The following RAB3A variants were observed in gnomAD, a reference collection of about 807,000 sequenced individuals.
RAB3A encodes the protein ras-related protein Rab-3A.
A neutral mutation model predicts 19.7 loss-of-function variants in RAB3A; 5 were observed. The ratio of observed to expected loss-of-function variants is 0.25; its 90% CI spans 0.13 to 0.53. RAB3A has a LOEUF of 0.53. RAB3A is among the 20% of genes least tolerant of loss of function. The pLI is 0.95. For missense variants in RAB3A, 189 were observed against 305.6 expected (o/e 0.62, Z 2.85); for synonymous variants, 119 against 122.1 (o/e 0.97, Z 0.17).
At chr19:18,197,757 A>AG in intron 4 of RAB3A, 97 bp from the exon 5 acceptor site, 2 of 1,046,092 alleles carry the variant, frequency 1.9e-6, no homozygotes, top group African/African-American at 3.2e-5. Flanking sequence ...GGAGATTCCC[A>AG]GTGCCAAGCA....
Position 18,202,795 on chromosome 19 carries a change from G to C in RAB3A, c.1-55C>G, listed in dbSNP as rs924274359. 1.1e-5 allele frequency: 16 copies of C among 1,443,502 alleles called. No individual in the cohort carries two copies. Among genetic ancestry groups the C allele is most frequent in the Non-Finnish European group, 1.5e-5 (15 of 1,032,918 alleles). 89.4% of individuals were successfully genotyped at this position (1,443,502 alleles called of 1,614,324 possible). On this transcript the variant is annotated intron_variant, in intron 1 of 4. Transcript: ENST00000222256. The surrounding 1 kb of genome is among the most constrained non-coding windows in gnomAD (Gnocchi z 4.2). ...AGGGGGGCTCTCTCCATCCTCATGT[G>C]CCCAAGCCCAGGCAGAAGATGGCAA...
intron 3 of RAB3A, among the ~76,000 whole-genome samples, chr19:18,199,460 A>T (rs1403731321): frequency 6.6e-6 from 1 of 151,072 alleles, no homozygotes; most frequent in Non-Finnish European, 1.5e-5. Flanking sequence ...CAACCCAGAA[A>T]TTTTTTTTTA....
Position 18,200,403 on chromosome 19 carries a change from A to G in RAB3A, c.271T>C (p.Tyr91His), listed in dbSNP as rs1435281217. The change falls in exon 3 of 5, where the codon TAC becomes CAC. Residue 91 changes from tyrosine to histidine, a missense_variant. Coordinates refer to ENST00000222256, the MANE Select transcript of RAB3A (RefSeq NM_002866.5). ...QERYRTITTA[Y>H]YRGAMGFILM... ...ATGAAGCCCATAGCGCCCCGGTAGT[A>G]TGCGGTGGTGATGGTCCGGTACCGC... The G allele has an allele frequency of 6.2e-7, 1 of 1,614,058 alleles. No homozygotes were observed. The highest frequency in any genetic ancestry group is 8.5e-7 in the Non-Finnish European group (1 of 1,179,970).
Position 18,197,532 on chromosome 19 carries a change from C to A in RAB3A, c.601G>T (p.Ala201Ser), listed in dbSNP as rs202041906. 2 of 1,613,486 alleles carry A rather than the reference C, an allele frequency of 1.2e-6. No individual in the cohort carries two copies. Among genetic ancestry groups the A allele is most frequent in the East Asian group, 4.5e-5 (2 of 44,874 alleles). The change falls in exon 5 of 5, where the codon GCC becomes TCC. Residue 201 changes from alanine (A) to serine (S), a missense_variant. Transcript: ENST00000222256. ...LDTADPAVTG[A>S]KQGPQLSDQQ... ...TCACTGAGCTGTGGGCCCTGCTTGG[C>A]GCCTGTGACCGCAGGGTCCGCCGTG...
At chr19:18,198,605 G>T (rs1037873722) in intron 4 of RAB3A, 120 bp downstream of exon 4, 6 of 1,295,146 alleles carry the variant, frequency 4.6e-6, no homozygotes, top group Non-Finnish European at 5.3e-6. Flanking sequence ...CTGGATGAAG[G>T]CTAGTTTGCA....
chr19:18,202,533 T>A lies in RAB3A; in HGVS notation c.208A>T (p.Arg70Trp). ...CCCACCCAGATCTGCAGCTTGATCCTCTTGTCGTTGCGATAGATGGTCTTG... is the reference window on the plus strand; with the variant it reads ...CCCACCCAGATCTGCAGCTTGATCCACTTGTCGTTGCGATAGATGGTCTTG... ...KVKTIYRNDK[R>W]IKLQIWDTAG... Residue 70 changes from arginine to tryptophan, a missense_variant, in exon 2 of 5, where the codon AGG (arginine) becomes TGG (tryptophan). Coordinates refer to ENST00000222256, the MANE Select transcript of RAB3A (RefSeq NM_002866.5). The surrounding 1 kb of genome is among the most constrained non-coding windows in gnomAD (Gnocchi z 4.2). 1.2e-6 allele frequency: 2 copies of A among 1,614,152 alleles called. No homozygotes were observed. The highest frequency in any genetic ancestry group is 1.7e-6 in the Non-Finnish European group (2 of 1,180,006).
In RAB3A at chr19:18,197,089, T is replaced by C. The variant is rs1051464928; in HGVS notation, c.*381A>G. 4.9e-6 allele frequency: 1 copy of C among 203,124 alleles called. No individual in the cohort carries two copies. 12.6% of individuals were successfully genotyped at this position (203,124 alleles called of 1,614,324 possible). On this transcript the variant is annotated 3_prime_UTR_variant, in exon 5 of 5. Transcript: ENST00000222256. Reference sequence around the variant, plus strand: ...GGCTGGCAGGCCTGGCCACCTCCCATTGCCCGATCAGCCTGCTTTAGGGTG... The same window carrying C: ...GGCTGGCAGGCCTGGCCACCTCCCACTGCCCGATCAGCCTGCTTTAGGGTG...
intron 4 of RAB3A, 135 bp from the exon 5 acceptor site, chr19:18,197,795 C>T (rs1168283350): frequency 7.9e-6 from 1 of 126,746 alleles, no homozygotes; most frequent in African/African-American, 4.3e-5. Context: ...ACAAATCCCA[C>T]AGAGAAGAAA....
intron 2 of RAB3A, among the ~76,000 whole-genome samples, chr19:18,201,560 T>G (rs1967612265): frequency 6.6e-6 from 1 of 152,188 alleles, no homozygotes; most frequent in Non-Finnish European, 1.5e-5. Flanking sequence ...CACTCCAGCC[T>G]GGGTGACAGA....
Position 18,202,942 on chromosome 19 carries a change from G to A in RAB3A, c.1-202C>T, listed in dbSNP as rs575405408. The A allele has an allele frequency of 4.7e-5, 26 of 556,026 alleles. 3 individuals are homozygous for A. In the South Asian group the frequency reaches 5.5e-4, roughly 12 times the overall value. 34.4% of individuals were successfully genotyped at this position (556,026 alleles called of 1,614,324 possible). A position where few individuals can be genotyped will look rare whatever the true frequency, so the allele number is the denominator to read the frequency against. On this transcript the variant is annotated intron_variant, in intron 1 of 4. Transcript: ENST00000222256. This position sits in a 1 kb window ranked among gnomAD's most constrained non-coding sequence, Gnocchi z 4.2. The stretch of plus-strand genomic sequence containing the variant: ...CCTTGAAATCCTGGGCGTTTCAGAG[G>A]AGGGGCTCAGAGGGTTGCCGATGGG...
rs1967569782 is a variant in RAB3A, at chr19:18,198,793, T to C, written c.404A>G (p.Asn135Ser). The change falls in exon 4 of 5, where the codon AAC becomes AGC. Residue 135 changes from asparagine to serine, a missense_variant. Coordinates refer to ENST00000222256, the MANE Select transcript of RAB3A (RefSeq NM_002866.5). ...WDNAQVLLVG[N>S]KCDMEDERVV... ...CCGCTCATCCTCCATGTCACACTTGTTTCCTACCAGCAGCACCTGGGCATT... is the reference window on the plus strand; with the variant it reads ...CCGCTCATCCTCCATGTCACACTTGCTTCCTACCAGCAGCACCTGGGCATT... 1 of 1,614,008 alleles carries C rather than the reference T, an allele frequency of 6.2e-7. No individual in the cohort carries two copies. Among genetic ancestry groups the C allele is most frequent in the Non-Finnish European group, 8.5e-7 (1 of 1,180,026 alleles).
intron 4 of RAB3A, 74 bp downstream of exon 4, chr19:18,198,651 T>C (rs1967567431): frequency 1.3e-6 from 2 of 1,583,406 alleles, no homozygotes; most frequent in African/African-American, 1.3e-5. Context: ...CTGTAAGACC[T>C]TGGGTGTGTG....
chr19:18,199,440 C>T (rs1162388477), intron 3 of RAB3A, among the ~76,000 whole-genome samples: 6 of 152,126 alleles, frequency 3.9e-5, no homozygotes, highest in Non-Finnish European at 7.3e-5. Context: ...TAGGCATGAG[C>T]CACTGTGCCC....
intron 3 of RAB3A, 51 bp downstream of exon 3, chr19:18,200,276 C>T: frequency 1.4e-6 from 2 of 1,462,044 alleles, no homozygotes; most frequent in Non-Finnish European, 1.9e-6. Context: ...GAATAAAACC[C>T]TCTCTCAAAG....
At position 18,197,566 on chromosome 19, in the gene RAB3A, C is replaced by G. The variant is rs765265922; in HGVS notation, c.567G>C (p.Glu189Asp). The G allele has an allele frequency of 1.9e-5, 31 of 1,614,038 alleles. No homozygotes were observed. The highest frequency in any genetic ancestry group is 2.6e-5 in the Non-Finnish European group (31 of 1,180,008). ...LVDVICEKMS[E>D]SLDTADPAVT... is the part of the protein sequence containing the mutation. ...CCGCAGGGTCCGCCGTGTCCAACGA[C>G]TCGGACATCTTCTCGCAGATGACAT... Residue 189 changes from glutamate (E) to aspartate (D), a missense_variant, in exon 5 of 5, where the codon GAG (glutamate) becomes GAC (aspartate). Coordinates refer to ENST00000222256, the MANE Select transcript of RAB3A (RefSeq NM_002866.5).
At chr19:18,198,589 T>C in intron 4 of RAB3A, 136 bp downstream of exon 4, 3 of 1,129,226 alleles carry the variant, frequency 2.7e-6, no homozygotes. Flanking sequence ...CCAACTCAAA[T>C]GGCTCCTGGA....
chr19:18,202,393 TA>T lies in RAB3A; in HGVS notation c.228+119del. 1.1e-6 allele frequency: 1 copy of T among 894,486 alleles called. No individual in the cohort carries two copies. The highest frequency in any genetic ancestry group is 1.8e-6 in the Non-Finnish European group (1 of 568,584). 55.4% of individuals were successfully genotyped at this position (894,486 alleles called of 1,614,324 possible). ...CGGTACACAGTGGGCACCTTACTGA[TA>T]AATGCCCAGTGTGTAAGTGAATGAC... On this transcript the variant is annotated intron_variant, in intron 2 of 4. Transcript: ENST00000222256. The surrounding 1 kb of genome is among the most constrained non-coding windows in gnomAD (Gnocchi z 4.2).
In RAB3A at chr19:18,197,390, T is replaced by C. The variant is rs1967543947; in HGVS notation, c.*80A>G. On this transcript the variant is annotated 3_prime_UTR_variant, in exon 5 of 5. Coordinates refer to ENST00000222256, the MANE Select transcript of RAB3A (RefSeq NM_002866.5). ...GGAGCAGGGGTCTTGTGCCCGTGGC[T>C]GGTAGGGGCCGGGTCAGGCCCGGGT... is the stretch of plus-strand genomic sequence containing the variant. The C allele has an allele frequency of 7.3e-7, 1 of 1,372,798 alleles. No homozygotes were observed. Among genetic ancestry groups the C allele is most frequent in the Non-Finnish European group, 1.0e-6 (1 of 999,786 alleles). The allele number at this position is 1,372,798 out of a possible 1,614,324, so 85.0% of individuals were successfully genotyped here. A position where few individuals can be genotyped will look rare whatever the true frequency, so the allele number is the denominator to read the frequency against.
In RAB3A at chr19:18,196,989, G is replaced by A. The variant is rs942182494; in HGVS notation, c.*481C>T. On this transcript the variant is annotated 3_prime_UTR_variant, in exon 5 of 5. Transcript: ENST00000222256. The stretch of plus-strand genomic sequence containing the variant: ...GAAAACGGGGAGAGGAGCCTGGCAG[G>A]CCAGACTCTGATCCCCATGGTCCAC... The A allele has an allele frequency of 5.9e-6, 1 of 169,280 alleles. No individual in the cohort carries two copies. The highest frequency in any genetic ancestry group is 1.3e-5 in the Non-Finnish European group (1 of 77,898). The allele number at this position is 169,280 out of a possible 1,614,324, so 10.5% of individuals were successfully genotyped here.
Sources: gnomAD v4.1 joint callset for allele counts (sites outside exome capture counted in the v4.1 genomes callset) on GRCh38, gnomAD v4.1.1 for gene constraint, Gnocchi (gnomAD v3.1) non-coding constraint, MANE v1.5 for transcripts, NCBI Gene and HGNC (gene_info 2026-07-23, HGNC 2026-07-21) for gene names.